Variants in FRMD4A observed in about 807,000 individuals in gnomAD.
FRMD4A encodes FERM domain containing 4A.
In FRMD4A, 29 loss-of-function variants were observed where a neutral mutation model predicts 129.1. The ratio of observed to expected loss-of-function variants is 0.22; its 90% CI spans 0.17 to 0.31. FRMD4A has a LOEUF of 0.31. Among genes scored for constraint, FRMD4A ranks in the 10% least tolerant of loss-of-function variants. The pLI, the probability that FRMD4A is intolerant of heterozygous loss-of-function variation, is 1.00. For synonymous variants in FRMD4A, 634 were observed against 571.6 expected (o/e 1.11, Z -1.56); for missense variants, 1,272 against 1,375.8 (o/e 0.92, Z 1.19).
intron 2 of FRMD4A, among the ~76,000 whole-genome samples, chr10:13,870,178 T>C (rs1015525420): frequency 2.0e-5 from 3 of 152,238 alleles, no homozygotes; most frequent in African/African-American, 4.8e-5. Flanking sequence ...TGGGCAGATC[T>C]GGACAGAGGC....
At chr10:13,725,577 A>AAGGTGAC (rs947190443) in intron 12 of FRMD4A, among the ~76,000 whole-genome samples, 1 of 152,082 alleles carries the variant, frequency 6.6e-6, no homozygotes, top group Non-Finnish European at 1.5e-5. Flanking sequence ...ACCTTCCTCA[A>AAGGTGAC]AGGTGACAGT....
At chr10:13,849,892 G>A (rs528989309) in intron 3 of FRMD4A, among the ~76,000 whole-genome samples, 41 of 151,946 alleles carry the variant, frequency 2.7e-4, no homozygotes, top group East Asian at 9.8e-4. Flanking sequence ...AGTTTAGGCC[G>A]GGCGCAGTGG....
At position 13,656,705 on chromosome 10, in the gene FRMD4A, A is replaced by T. The variant is rs1216333191; in HGVS notation, c.2884T>A (p.Ser962Thr). ...TGCGCCACGAAGGTGCTCTGGGAGG[A>T]GGTGCTGTACTGCGAGCCGCTGTCC... ...SSDSGSQYSTSSQSTFVAHSR... is the reference protein window; with the variant it reads ...SSDSGSQYSTTSQSTFVAHSR... The change falls in exon 22 of 25, where the codon TCC (serine) becomes ACC (threonine). Residue 962 changes from serine (S) to threonine (T), a missense_variant. Ser to Thr is a moderately conservative substitution (Grantham distance 58). This residue lies in a region of FRMD4A where 972 missense variants were observed against 892.3 expected (regional missense o/e 1.09). Transcript: ENST00000357447. 1.1e-5 allele frequency: 17 copies of T among 1,576,238 alleles called. No individual in the cohort carries two copies. The highest frequency in any genetic ancestry group is 1.5e-5 in the Non-Finnish European group (17 of 1,161,978).
At chr10:14,181,721 C>T (rs1841920938) in intron 2 of FRMD4A, among the ~76,000 whole-genome samples, 1 of 152,148 alleles carries the variant, frequency 6.6e-6, no homozygotes, top group African/African-American at 2.4e-5. Context: ...GATAGGGTCT[C>T]ACTCTGTTGT....
In FRMD4A at chr10:13,657,339, G is replaced by C; in HGVS notation, c.2250C>G (p.Cys750Trp). Residue 750 changes from cysteine to tryptophan, a missense_variant, in exon 22 of 25, where the codon TGC becomes TGG. Transcript: ENST00000357447. Reference sequence around the variant, plus strand: ...AGTGCTCCGAGCTCGAGTGGCTGGTGCACGACGAGCAGTCGTCCATGGGGT... The same window carrying C: ...AGTGCTCCGAGCTCGAGTGGCTGGTCCACGACGAGCAGTCGTCCATGGGGT... Reference protein sequence around the residue: ...GSDPMDDCSSCTSHSSSEHYY... With the variant: ...GSDPMDDCSSWTSHSSSEHYY... The C allele has an allele frequency of 1.1e-5, 17 of 1,608,964 alleles. No homozygotes were observed. Among genetic ancestry groups the C allele is most frequent in the Non-Finnish European group, 1.4e-5 (17 of 1,179,044 alleles).
At chr10:14,086,846 T>TAACA in intron 2 of FRMD4A, among the ~76,000 whole-genome samples, 1 of 152,336 alleles carries the variant, frequency 6.6e-6, no homozygotes, top group East Asian at 1.9e-4. Context: ...GCTCTGCCAC[T>TAACA]AACAGCAGGG....
At chr10:14,300,323 A>C (rs1363708941) in intron 2 of FRMD4A, among the ~76,000 whole-genome samples, 1 of 152,074 alleles carries the variant, frequency 6.6e-6, no homozygotes, top group African/African-American at 2.4e-5. Flanking sequence ...CTGAGCACTG[A>C]CTTTGCCATG....
intron 2 of FRMD4A, among the ~76,000 whole-genome samples, chr10:14,092,712 A>C (rs565412209): frequency 6.6e-6 from 1 of 152,316 alleles, no homozygotes; most frequent in East Asian, 1.9e-4. Flanking sequence ...AGATGGTGAT[A>C]CTCAGCAATT....
intron 2 of FRMD4A, among the ~76,000 whole-genome samples, chr10:14,292,111 C>G (rs918931202): frequency 6.6e-6 from 1 of 152,102 alleles, no homozygotes; most frequent in South Asian, 2.1e-4. Flanking sequence ...TAATTTCCCC[C>G]AAAGTAATCC....
chr10:13,776,159 G>A (rs1250889588), intron 6 of FRMD4A, among the ~76,000 whole-genome samples: 1 of 152,122 alleles, frequency 6.6e-6, no homozygotes, highest in East Asian at 1.9e-4. Flanking sequence ...CTGGAGTGCA[G>A]TAGTGTGATC....
At position 13,656,725 on chromosome 10, in the gene FRMD4A, C is replaced by G. The variant is rs1281764490; in HGVS notation, c.2864G>C (p.Ser955Thr). ...LSHTSSTSSD[S>T]GSQYSTSSQS... ...GGAGGAGGTGCTGTACTGCGAGCCGCTGTCCGAGGAGGTGGAGCTGGTGTG... is the reference window on the plus strand; with the variant it reads ...GGAGGAGGTGCTGTACTGCGAGCCGGTGTCCGAGGAGGTGGAGCTGGTGTG... Residue 955 changes from serine to threonine, a missense_variant, in exon 22 of 25, where the codon AGC (serine) becomes ACC (threonine). By Grantham distance (58) the Ser-to-Thr change is moderately conservative. This residue lies in a region of FRMD4A where 972 missense variants were observed against 892.3 expected (regional missense o/e 1.09). Transcript: ENST00000357447. 6.3e-7 allele frequency: 1 copy of G among 1,590,738 alleles called. No individual in the cohort carries two copies.
At chr10:13,950,443 A>G (rs918281490) in intron 2 of FRMD4A, among the ~76,000 whole-genome samples, 2 of 152,250 alleles carry the variant, frequency 1.3e-5, no homozygotes, top group Non-Finnish European at 2.9e-5. Context: ...CAGAAAAACA[A>G]GTAAGACCTG....
intron 21 of FRMD4A, 66 bp from the exon 22 acceptor site, chr10:13,657,588 A>T: frequency 8.0e-6 from 11 of 1,383,118 alleles, no homozygotes; most frequent in African/African-American, 1.5e-5. Flanking sequence ...TGCTCCGGGG[A>T]GGAGGGGGTC....
chr10:13,985,532 G>A (rs1456461651), intron 2 of FRMD4A, among the ~76,000 whole-genome samples: 1 of 152,236 alleles, frequency 6.6e-6, no homozygotes, highest in African/African-American at 2.4e-5. Flanking sequence ...CCAGGCATAT[G>A]CTAAGGTTGG....
chr10:13,823,743 C>A (rs1222219290), intron 3 of FRMD4A, among the ~76,000 whole-genome samples: 1 of 152,176 alleles, frequency 6.6e-6, no homozygotes, highest in Non-Finnish European at 1.5e-5. Context: ...GACACATTGG[C>A]AGATTGGTAC....
At chr10:13,842,773 G>A (rs2093986521) in intron 3 of FRMD4A, among the ~76,000 whole-genome samples, 1 of 152,118 alleles carries the variant, frequency 6.6e-6, no homozygotes, top group African/African-American at 2.4e-5. Flanking sequence ...AGGCTGCAGT[G>A]AGCTATGATC....
In FRMD4A at chr10:14,240,493, G is replaced by T. The variant is rs186977547; in HGVS notation, c.45+89565C>A. Reference sequence around the variant, plus strand: ...AAGGTCTCCTAGCAACTGTTGTTATGGGCAACACTAGCATGTTTAGTTCAA... The same window carrying T: ...AAGGTCTCCTAGCAACTGTTGTTATTGGCAACACTAGCATGTTTAGTTCAA... On this transcript the variant is annotated intron_variant, in intron 2 of 24. Transcript: ENST00000357447. 1.1e-4 allele frequency among the ~76,000 whole-genome samples: 16 copies of T among 152,152 alleles called. No homozygotes were observed. In the East Asian group the frequency reaches 3.1e-3, roughly 29 times the overall value.
rs142849604 is a variant in FRMD4A, at chr10:14,034,930, C to T, written c.46-176018G>A. Reference sequence around the variant, plus strand: ...GGTGCATAGTGGAACACTGGCATCACTTAGTTGGTGACTTGAGGACCTCAG... The same window carrying T: ...GGTGCATAGTGGAACACTGGCATCATTTAGTTGGTGACTTGAGGACCTCAG... On this transcript the variant is annotated intron_variant, in intron 2 of 24. Coordinates refer to ENST00000357447, the MANE Select transcript of FRMD4A (RefSeq NM_018027.5). Among the ~76,000 whole-genome samples, 27 of 152,310 alleles carry T rather than the reference C, an allele frequency of 1.8e-4. No individual in the cohort carries two copies. In the East Asian group the frequency reaches 3.7e-3, roughly 21 times the overall value.
At chr10:14,326,959 C>T (rs1022264643) in intron 2 of FRMD4A, 6 of 398,702 alleles carry the variant, frequency 1.5e-5, no homozygotes, top group African/African-American at 1.2e-4. Flanking sequence ...GTCCCCCCTT[C>T]CGTGGTCATA....
Sources: allele counts gnomAD v4.1 joint callset (sites outside exome capture counted in the v4.1 genomes callset), GRCh38; gene constraint gnomAD v4.1.1; regional missense constraint gnomAD v4.1.1; transcripts MANE v1.5; gene names NCBI Gene and HGNC (gene_info 2026-07-23, HGNC 2026-07-21).